The following ZNF440 variants were observed in gnomAD, a reference collection of about 807,000 sequenced individuals.
ZNF440 encodes zinc finger protein 440.
ZNF440 carries 47 observed loss-of-function variants against 49.7 expected under a neutral mutation model. The ratio of observed to expected loss-of-function variants is 0.95; its 90% confidence interval spans 0.75 to 1.21. ZNF440 has a LOEUF of 1.21. Among genes scored for constraint, ZNF440 ranks in the 50% most tolerant of loss-of-function variants. ZNF440 has a pLI of 0.00. For synonymous variants in ZNF440, 255 were observed against 237.7 expected (o/e 1.07, Z -0.67); for missense variants, 703 against 715.0 (o/e 0.98, Z 0.19).
chr19:11,826,462 G>C (rs1263356630), intron 1 of ZNF440, among the ~76,000 whole-genome samples: 1 of 152,102 alleles, frequency 6.6e-6, no homozygotes, highest in Non-Finnish European at 1.5e-5. Context: ...TGAGACTACT[G>C]AATCAGTAAG....
chr19:11,815,327 A>ACACAC (rs1568237561), intron 1 of ZNF440, among the ~76,000 whole-genome samples: 16 of 68,318 alleles, frequency 2.3e-4, no homozygotes, highest in East Asian at 1.4e-3. Context: ...CACACACACA[A>ACACAC]ATTAAATAGG....
In ZNF440 at chr19:11,831,843, A is replaced by G. The variant is rs1255387326; in HGVS notation, c.667A>G (p.Thr223Ala). 3 of 1,614,140 alleles carry G rather than the reference A, an allele frequency of 1.9e-6. No individual in the cohort carries two copies. The highest frequency in any genetic ancestry group is 2.5e-6 in the Non-Finnish European group (3 of 1,179,994). ...RLYLIHERIH[T>A]GEKPCECKQC... ...ATATCTTATCCATGAAAGAATTCAC[A>G]CTGGAGAGAAACCATGTGAATGTAA... is the stretch of plus-strand genomic sequence containing the variant. Residue 223 changes from threonine (T) to alanine (A), a missense_variant, in exon 4 of 4, where the codon ACT becomes GCT. Thr to Ala is a moderately conservative substitution (Grantham distance 58). Coordinates refer to ENST00000304060, the MANE Select transcript of ZNF440 (RefSeq NM_152357.3).
chr19:11,832,406 C>T lies in ZNF440; in HGVS notation c.1230C>T (p.His410=). ...GGAAAGCCTTCAGATCTGCCTCACA[C>T]CTTCGAGTGCATGGTAGGACTCACA... is the stretch of plus-strand genomic sequence containing the variant. ...QCGKAFRSAS[H]LRVHGRTHTG... is the part of the protein sequence containing the mutation. The change falls in exon 4 of 4, where the codon CAC becomes CAT. Residue 410 remains histidine (H), a synonymous_variant. Transcript: ENST00000304060. 1 of 1,613,190 alleles carries T rather than the reference C, an allele frequency of 6.2e-7. No individual in the cohort carries two copies. Among genetic ancestry groups the T allele is most frequent in the Non-Finnish European group, 8.5e-7 (1 of 1,179,674 alleles).
chr19:11,833,832 A>G lies in ZNF440; in HGVS notation c.*868A>G, dbSNP rs532572212. ...CACTGGAGAAAAACCCTATGAATGT[A>G]AGCAGTATGGGAAAGCGTTCAGACC... On this transcript the variant is annotated 3_prime_UTR_variant, in exon 4 of 4. Transcript: ENST00000304060. 22 of 711,794 alleles carry G rather than the reference A, an allele frequency of 3.1e-5. No homozygotes were observed. Among genetic ancestry groups the G allele is most frequent in the Non-Finnish European group, 4.2e-5 (20 of 473,966 alleles). The allele number at this position is 711,794 out of a possible 1,614,324, so 44.1% of individuals were successfully genotyped here.
rs1233021282 is a variant in ZNF440, at chr19:11,831,470, AG to A, written c.295del (p.Ala99LeufsTer5). 2 of 1,613,858 alleles carry A rather than the reference AG, an allele frequency of 1.2e-6. No individual in the cohort carries two copies. The highest frequency in any genetic ancestry group is 2.7e-5 in the African/African-American group (2 of 74,922). On this transcript the variant is annotated frameshift_variant, in exon 4 of 4. Transcript: ENST00000304060. LOFTEE classifies it high-confidence loss of function. ...ACAGACTGAACTTCCAGGAGAAGAA[AG>A]CTTCTCCTGAAGTAAAATCATGTGA... ...DDRLNFQEKK[A>X]SPEVKSCESF...
intron 1 of ZNF440, among the ~76,000 whole-genome samples, chr19:11,824,123 C>T (rs1975832269): frequency 7.1e-6 from 1 of 140,252 alleles, no homozygotes; most frequent in South Asian, 2.2e-4. Flanking sequence ...TTCGAGGCTG[C>T]AGTGAGCTAT....
At chr19:11,818,049 A>G (rs1975754157) in intron 1 of ZNF440, among the ~76,000 whole-genome samples, 1 of 152,124 alleles carries the variant, frequency 6.6e-6, no homozygotes, top group Non-Finnish European at 1.5e-5. Flanking sequence ...AAAAATACAA[A>G]AAAAAATTAA....
chr19:11,830,441 A>G (rs421355), intron 2 of ZNF440, 32 bp downstream of exon 2: 582,346 of 1,610,814 alleles, frequency 0.36, 107,615 homozygotes, highest in African/African-American at 0.43. Flanking sequence ...CCCTCAGTCC[A>G]TTAGTGAACC....
intron 1 of ZNF440, among the ~76,000 whole-genome samples, chr19:11,828,095 C>T (rs1599294751): frequency 1.3e-5 from 2 of 152,168 alleles, no homozygotes; most frequent in Non-Finnish European, 2.9e-5. Context: ...ATATAAATAA[C>T]TCCCACATGC....
intron 1 of ZNF440, among the ~76,000 whole-genome samples, chr19:11,829,582 G>C (rs1168033368): frequency 6.6e-6 from 1 of 152,084 alleles, no homozygotes; most frequent in Non-Finnish European, 1.5e-5. Flanking sequence ...ATTAGGGACA[G>C]CCCAGGCAAC....
intron 1 of ZNF440, chr19:11,817,076 T>C (rs1277715733): frequency 2.0e-5 from 3 of 152,208 alleles, no homozygotes; most frequent in Non-Finnish European, 2.9e-5. Context: ...ATCGAAAGTT[T>C]CAGATTTCAA....
chr19:11,814,900 T>C (rs2685675), intron 1 of ZNF440, among the ~76,000 whole-genome samples: 58,618 of 151,982 alleles, frequency 0.39, 11,791 homozygotes, highest in African/African-American at 0.49. Flanking sequence ...TAACGCAGTT[T>C]CTAGCACTTC....
chr19:11,814,494 TG>T, intron 1 of ZNF440, 44 bp downstream of exon 1: 1 of 1,480,934 alleles, frequency 6.8e-7, no homozygotes, highest in Admixed American at 2.3e-5. Flanking sequence ...GGAGAGGGGC[TG>T]GAATCGGCCG....
At chr19:11,825,610 G>A (rs897950380) in intron 1 of ZNF440, among the ~76,000 whole-genome samples, 3 of 151,966 alleles carry the variant, frequency 2.0e-5, no homozygotes, top group African/African-American at 7.3e-5. Flanking sequence ...TGCTTTGAAG[G>A]TCTCTAAATA....
chr19:11,829,356 G>GGGT (rs1975905020), intron 1 of ZNF440, among the ~76,000 whole-genome samples: 1 of 150,526 alleles, frequency 6.6e-6, no homozygotes, highest in South Asian at 2.1e-4. Flanking sequence ...TGCCTGATTT[G>GGGT]GGTGGTCCCT....
At chr19:11,820,527 C>T (rs549181204) in intron 1 of ZNF440, among the ~76,000 whole-genome samples, 21 of 152,252 alleles carry the variant, frequency 1.4e-4, no homozygotes, top group East Asian at 1.4e-3. Context: ...CGGCCCTACA[C>T]CCTCCTGTCT....
At chr19:11,825,589 A>G (rs182750064) in intron 1 of ZNF440, among the ~76,000 whole-genome samples, 194 of 152,228 alleles carry the variant, frequency 1.3e-3, no homozygotes, top group African/African-American at 4.5e-3. Flanking sequence ...TGCTTCTTTC[A>G]TGTAAAAATA....
In ZNF440 at chr19:11,833,369, T is replaced by C. The variant is rs1975978050; in HGVS notation, c.*405T>C. ...AGCATTCATATCTGCCAAGATCCTT[T>C]GAATACATGCAAGAACACACAATGG... On this transcript the variant is annotated 3_prime_UTR_variant, in exon 4 of 4. Coordinates refer to ENST00000304060, the MANE Select transcript of ZNF440 (RefSeq NM_152357.3). 2 of 462,790 alleles carry C rather than the reference T, an allele frequency of 4.3e-6. No homozygotes were observed. The highest frequency in any genetic ancestry group is 8.3e-6 in the Non-Finnish European group (2 of 242,070). 28.7% of individuals were successfully genotyped at this position (462,790 alleles called of 1,614,324 possible).
Position 11,834,430 on chromosome 19 carries a change from A to G in ZNF440, c.*1466A>G, listed in dbSNP as rs1753752099. ...ACATGAACCATCATGCCCAGCTGCA[A>G]CCCTAATTTTTCATTCAGTCATAAT... On this transcript the variant is annotated 3_prime_UTR_variant, in exon 4 of 4. Coordinates refer to ENST00000304060, the MANE Select transcript of ZNF440 (RefSeq NM_152357.3). 1 of 152,202 alleles carries G rather than the reference A, an allele frequency of 6.6e-6. No homozygotes were observed. The highest frequency in any genetic ancestry group is 2.4e-5 in the African/African-American group (1 of 41,422). 9.4% of individuals were successfully genotyped at this position (152,202 alleles called of 1,614,324 possible).
Sources: gnomAD v4.1 joint callset for allele counts (sites outside exome capture counted in the v4.1 genomes callset) on GRCh38, gnomAD v4.1.1 for gene constraint, MANE v1.5 for transcripts, NCBI Gene and HGNC (gene_info 2026-07-23, HGNC 2026-07-21) for gene names.